Variants in RBFOX1 observed in about 807,000 individuals in gnomAD.
The protein encoded by RBFOX1 is RNA binding fox-1 homolog 1, also known as RNA binding protein fox-1 homolog 1.
Under a neutral mutation model 57.7 loss-of-function variants are expected in RBFOX1, and 8 were observed. The ratio of observed to expected loss-of-function variants is 0.14; its 90% CI spans 0.08 to 0.25. The LOEUF (loss-of-function observed/expected upper bound fraction) is 0.25, where lower values mean the gene tolerates loss of function less well. Ranked by LOEUF, RBFOX1 falls within the 10% of genes least tolerant of loss-of-function variation. RBFOX1 has a pLI of 1.00. For missense variants in RBFOX1, 611 were observed against 548.5 expected (o/e 1.11, Z -1.14); for synonymous variants, 326 against 222.4 (o/e 1.47, Z -4.15).
intron 3 of RBFOX1, among the ~76,000 whole-genome samples, chr16:6,825,150 G>A (rs56224414): frequency 0.076 from 11,448 of 150,784 alleles, 846 homozygotes; most frequent in African/African-American, 0.17. Flanking sequence ...ACCTCACTCA[G>A]CACCCTTGGC....
intron 3 of RBFOX1, among the ~76,000 whole-genome samples, chr16:5,612,782 G>A (rs1234373294): frequency 2.0e-5 from 3 of 152,222 alleles, no homozygotes; most frequent in East Asian, 1.9e-4. Context: ...GCCAGGCCGT[G>A]GTGAGGATGC....
chr16:7,255,762 T>C (rs933928744), intron 4 of RBFOX1, among the ~76,000 whole-genome samples: 1 of 152,198 alleles, frequency 6.6e-6, no homozygotes, highest in African/African-American at 2.4e-5. Flanking sequence ...CAATATATAA[T>C]CAATATAGAA....
intron 3 of RBFOX1, among the ~76,000 whole-genome samples, chr16:6,745,819 G>C (rs75561121): frequency 5.3e-5 from 8 of 152,118 alleles, no homozygotes; most frequent in African/African-American, 1.2e-4. Context: ...AAAGGCATCT[G>C]TTTAGAGAAG....
intron 1 of RBFOX1, among the ~76,000 whole-genome samples, chr16:6,125,018 A>G (rs2096579049): frequency 1.3e-5 from 2 of 151,620 alleles, no homozygotes; most frequent in African/African-American, 4.9e-5. Flanking sequence ...CAACCCAGAG[A>G]CTCCCCAAGG....
At chr16:6,515,729 C>T (rs1013891031) in intron 2 of RBFOX1, among the ~76,000 whole-genome samples, 1 of 152,100 alleles carries the variant, frequency 6.6e-6, no homozygotes, top group African/African-American at 2.4e-5. Context: ...CTACCCCATA[C>T]CTCCACTGTG....
chr16:5,733,139 C>G (rs531821872), intron 3 of RBFOX1, among the ~76,000 whole-genome samples: 9 of 152,152 alleles, frequency 5.9e-5, no homozygotes, highest in Admixed American at 1.3e-4. Flanking sequence ...ATGAAATAGG[C>G]AGTCAGTCTG....
intron 4 of RBFOX1, among the ~76,000 whole-genome samples, chr16:7,245,030 A>C (rs1452153968): frequency 6.6e-6 from 1 of 152,206 alleles, no homozygotes; most frequent in Non-Finnish European, 1.5e-5. Flanking sequence ...ATTTTCATGA[A>C]TTAGAAATAT....
intron 4 of RBFOX1, among the ~76,000 whole-genome samples, chr16:5,878,653 G>C (rs3859169): frequency 0.24 from 36,620 of 151,992 alleles, 4,552 homozygotes; most frequent in Non-Finnish European, 0.26. Context: ...GCTTGACTTA[G>C]GGCTGATATC....
intron 4 of RBFOX1, among the ~76,000 whole-genome samples, chr16:7,177,410 A>T (rs72765570): frequency 6.6e-6 from 1 of 152,226 alleles, no homozygotes; most frequent in Non-Finnish European, 1.5e-5. Flanking sequence ...AAATACCCTG[A>T]CTTGATCCTT....
Position 6,693,815 on chromosome 16 carries a change from C to G in RBFOX1, c.-16+39165C>G, listed in dbSNP as rs73533796. Among the ~76,000 whole-genome samples, 4 of 152,274 alleles carry G rather than the reference C, an allele frequency of 2.6e-5. No homozygotes were observed. The South Asian group carries it at 6.2e-4, about 24-fold the overall frequency. ...CCATCACCACCACCATCATCATCAT[C>G]ATTCTCCACTACCATCACCACCATC... On this transcript the variant is annotated intron_variant, in intron 3 of 15. Coordinates refer to ENST00000550418, the MANE Select transcript of RBFOX1 (RefSeq NM_018723.4).
intron 1 of RBFOX1, among the ~76,000 whole-genome samples, chr16:6,203,170 T>C (rs2097227314): frequency 6.6e-6 from 1 of 151,990 alleles, no homozygotes; most frequent in Admixed American, 6.6e-5. Context: ...TAATTAACCA[T>C]AGGCCTTACA....
rs185316718 is a variant in RBFOX1 at position 5,265,739 on chromosome 16, G to A, written c.219+25634G>A. Among the ~76,000 whole-genome samples, 633 of 152,224 alleles carry A rather than the reference G, an allele frequency of 4.2e-3. 1 individual carries two copies. The highest frequency in any genetic ancestry group is 0.01 in the Middle Eastern group (3 of 294). ...GCTTGGCAACAGCCTGACTATCAGA[G>A]GCTGAATTAAACAAATAGGTACCTC... On this transcript the variant is annotated intron_variant, in intron 1 of 2. Transcript: ENST00000585867.
chr16:6,612,010 A>G (rs2098065273), intron 2 of RBFOX1, among the ~76,000 whole-genome samples: 1 of 152,114 alleles, frequency 6.6e-6, no homozygotes, highest in Non-Finnish European at 1.5e-5. Flanking sequence ...CCTTGATGAA[A>G]AAATTCCTTT....
At chr16:6,896,959 A>C (rs12920564) in intron 3 of RBFOX1, among the ~76,000 whole-genome samples, 1 of 152,110 alleles carries the variant, frequency 6.6e-6, no homozygotes, top group South Asian at 2.1e-4. Flanking sequence ...CTCAGAATGC[A>C]GCTGACAGGC....
At chr16:6,951,539 G>A (rs1192116977) in intron 3 of RBFOX1, among the ~76,000 whole-genome samples, 1 of 152,100 alleles carries the variant, frequency 6.6e-6, no homozygotes, top group East Asian at 1.9e-4. Context: ...TAGAGTAGGA[G>A]CAGGAATATT....
At chr16:7,024,203 T>C (rs542836284) in intron 3 of RBFOX1, among the ~76,000 whole-genome samples, 6 of 152,280 alleles carry the variant, frequency 3.9e-5, no homozygotes, top group African/African-American at 1.2e-4. Context: ...CATTTACAAA[T>C]TGCACCTTAA....
rs2073105455 is a variant in RBFOX1, at chr16:6,916,118, C to T, written c.-15-135939C>T. ...AAGGGCATAAGCGCTGTGTACAAGACAACTGAAGGCAACCCTCCAGGAGAG... is the reference window on the plus strand; with the variant it reads ...AAGGGCATAAGCGCTGTGTACAAGATAACTGAAGGCAACCCTCCAGGAGAG... On this transcript the variant is annotated intron_variant, in intron 3 of 15. Coordinates refer to ENST00000550418, the MANE Select transcript of RBFOX1 (RefSeq NM_018723.4). Among the ~76,000 whole-genome samples the T allele has an allele frequency of 2.6e-5, 4 of 152,118 alleles. No homozygotes were observed. In the South Asian group the frequency reaches 8.3e-4, roughly 32 times the overall value.
intron 4 of RBFOX1, among the ~76,000 whole-genome samples, chr16:7,479,513 C>G (rs2063451482): frequency 6.6e-6 from 1 of 152,172 alleles, no homozygotes; most frequent in Admixed American, 6.5e-5. Flanking sequence ...CCTTGAGCTG[C>G]TGTCTATGGG....
chr16:6,333,801 C>T (rs1358230124), intron 2 of RBFOX1, among the ~76,000 whole-genome samples: 2 of 152,136 alleles, frequency 1.3e-5, no homozygotes, highest in Non-Finnish European at 2.9e-5. Context: ...AGATACTTGT[C>T]ATCTGTCAGA....
Sources: allele counts gnomAD v4.1 joint callset (sites outside exome capture counted in the v4.1 genomes callset), GRCh38; gene constraint gnomAD v4.1.1; transcripts MANE v1.5; gene names NCBI Gene and HGNC (gene_info 2026-07-23, HGNC 2026-07-21).